TBC1D5: variants seen among roughly 807,000 people sequenced by gnomAD.
The protein encoded by TBC1D5 is TBC1 domain family member 5.
Under a neutral mutation model 100.3 loss-of-function variants are expected in TBC1D5, and 75 were observed. The ratio of observed to expected loss-of-function variants is 0.75; its 90% CI spans 0.62 to 0.91. The LOEUF is 0.91. Ranked by LOEUF, TBC1D5 falls within the 40% of genes least tolerant of loss-of-function variation. The probability of loss-of-function intolerance (pLI) is 0.00; values close to 1 mark genes in which losing one functional copy is unlikely to be tolerated. For synonymous variants in TBC1D5, 323 were observed against 325.6 expected, an observed-to-expected ratio of 0.99 and a Z score of 0.09; for missense variants, 910 against 942.4, an observed-to-expected ratio of 0.97 and a Z score of 0.45.
chr3:17,254,766 T>TGG (rs139693043), intron 16 of TBC1D5, among the ~76,000 whole-genome samples: 22,590 of 72,750 alleles, frequency 0.31, 3,456 homozygotes, highest in African/African-American at 0.36. Context: ...GTGGCGGGGG[T>TGG]GGGGGGGGGG....
At position 17,238,713 on chromosome 3, in the gene TBC1D5, T is replaced by C. The variant is rs567545912; in HGVS notation, c.1332-294A>G. ...TGCCCCAAAATAGACACAGTTCCCT[T>C]CCTGGAACTTCTAGTCTAGTAGAGA... On this transcript the variant is annotated intron_variant, in intron 16 of 21. Transcript: ENST00000253692. Among the ~76,000 whole-genome samples, 144 of 152,298 alleles carry C rather than the reference T, an allele frequency of 9.5e-4. 1 individual carries two copies. Among genetic ancestry groups the C allele is most frequent in the Non-Finnish European group, 1.6e-3 (111 of 68,028 alleles).
At chr3:17,445,416 T>C (rs773578144) in intron 3 of TBC1D5, among the ~76,000 whole-genome samples, 3 of 152,020 alleles carry the variant, frequency 2.0e-5, no homozygotes, top group Non-Finnish European at 4.4e-5. Context: ...AATATTCGTA[T>C]AAAAGTGAAA....
chr3:17,499,993 T>C (rs2095764788), intron 3 of TBC1D5, among the ~76,000 whole-genome samples: 1 of 149,260 alleles, frequency 6.7e-6, no homozygotes, highest in Non-Finnish European at 1.5e-5. Flanking sequence ...GCAGACCTAA[T>C]TGCCTAAAGG....
intron 2 of TBC1D5, among the ~76,000 whole-genome samples, chr3:17,533,336 C>G (rs536628300): frequency 9.2e-5 from 14 of 152,258 alleles, no homozygotes; most frequent in African/African-American, 3.4e-4. Context: ...TCATTAATCA[C>G]ATTTAAAAAT....
intron 1 of TBC1D5, among the ~76,000 whole-genome samples, chr3:17,703,840 T>C (rs1267086229): frequency 6.6e-6 from 1 of 152,150 alleles, no homozygotes; most frequent in Non-Finnish European, 1.5e-5. Flanking sequence ...CTAATTCCTT[T>C]TTGACTCTAC....
chr3:17,456,443 A>G (rs1478286542), intron 3 of TBC1D5, among the ~76,000 whole-genome samples: 1 of 152,222 alleles, frequency 6.6e-6, no homozygotes, highest in African/African-American at 2.4e-5. Flanking sequence ...GAGCTCACAA[A>G]ACTCTATAAG....
At chr3:17,697,402 CAA>C (rs1293593859) in intron 1 of TBC1D5, among the ~76,000 whole-genome samples, 1 of 152,210 alleles carries the variant, frequency 6.6e-6, no homozygotes, top group East Asian at 1.9e-4. Context: ...GCAACTTCAG[CAA>C]AGTCTCAGGA....
chr3:17,742,257 G>A (rs2077527004), upstream of TBC1D5, among the ~76,000 whole-genome samples: 1 of 152,180 alleles, frequency 6.6e-6, no homozygotes, highest in Non-Finnish European at 1.5e-5. Context: ...AACGGGGGGC[G>A]GTGCGGCAAC....
At chr3:17,612,142 A>AG (rs1430078744) in intron 2 of TBC1D5, among the ~76,000 whole-genome samples, 2 of 151,980 alleles carry the variant, frequency 1.3e-5, no homozygotes, top group East Asian at 3.9e-4. Flanking sequence ...TCTACAAAAA[A>AG]TAAAAAAATT....
intron 3 of TBC1D5, among the ~76,000 whole-genome samples, chr3:17,433,009 G>A (rs1278655392): frequency 7.0e-6 from 1 of 141,948 alleles, no homozygotes; most frequent in Non-Finnish European, 1.5e-5. Context: ...AAAATTTCGT[G>A]GTGTTTACAC....
intron 4 of TBC1D5, among the ~76,000 whole-genome samples, chr3:17,408,304 C>T (rs2093828719): frequency 9.2e-6 from 1 of 108,346 alleles, no homozygotes; most frequent in African/African-American, 3.3e-5. Flanking sequence ...CACACACACA[C>T]ACACACACAC....
intron 2 of TBC1D5, among the ~76,000 whole-genome samples, chr3:17,570,626 G>T (rs937852832): frequency 5.3e-5 from 8 of 151,770 alleles, no homozygotes; most frequent in South Asian, 2.1e-4. Flanking sequence ...TATTTTTAAT[G>T]CATTTCAAAG....
chr3:17,175,763 G>A (rs1439198700), intron 19 of TBC1D5, among the ~76,000 whole-genome samples: 2 of 152,190 alleles, frequency 1.3e-5, no homozygotes, highest in Admixed American at 6.5e-5. Context: ...TATATATGTT[G>A]TGCATTTCAG....
At chr3:17,673,473 G>A (rs797006937) in intron 1 of TBC1D5, among the ~76,000 whole-genome samples, 1 of 138,900 alleles carries the variant, frequency 7.2e-6, no homozygotes, top group African/African-American at 2.5e-5. Flanking sequence ...ACCATGCCCA[G>A]ATAATGTTTG....
chr3:17,170,238 C>T (rs2067038042), intron 19 of TBC1D5, among the ~76,000 whole-genome samples: 1 of 152,204 alleles, frequency 6.6e-6, no homozygotes, highest in South Asian at 2.1e-4. Context: ...TGGATTTTGC[C>T]TCTGCTGAGC....
At chr3:17,177,735 A>AT (rs368313524) in intron 19 of TBC1D5, among the ~76,000 whole-genome samples, 23 of 149,184 alleles carry the variant, frequency 1.5e-4, no homozygotes, top group Admixed American at 2.0e-4. Flanking sequence ...GGCATCTTAA[A>AT]TTTTTTTTTT....
At chr3:17,220,640 G>T (rs1054343054) in intron 17 of TBC1D5, among the ~76,000 whole-genome samples, 1 of 151,944 alleles carries the variant, frequency 6.6e-6, no homozygotes, top group South Asian at 2.1e-4. Flanking sequence ...ATAAATCTAG[G>T]TTTTTCATTT....
At chr3:17,384,075 A>G (rs940420819) in intron 8 of TBC1D5, 60 bp from the exon 9 acceptor site, 2 of 1,440,590 alleles carry the variant, frequency 1.4e-6, no homozygotes, top group African/African-American at 1.4e-5. Flanking sequence ...TCACTCTCAA[A>G]TTCTCATCTC....
chr3:17,451,697 A>C (rs1246637206), intron 3 of TBC1D5, among the ~76,000 whole-genome samples: 12 of 152,134 alleles, frequency 7.9e-5, no homozygotes, highest in East Asian at 1.9e-4. Flanking sequence ...GGGTGCAGCA[A>C]ACCACCATGG....
Sources: allele counts gnomAD v4.1 joint callset (sites outside exome capture counted in the v4.1 genomes callset), GRCh38; gene constraint gnomAD v4.1.1; transcripts MANE v1.5; gene names NCBI Gene and HGNC (gene_info 2026-07-23, HGNC 2026-07-21).